The following LRRC4C variants were observed in gnomAD, a reference collection of about 807,000 sequenced individuals.
LRRC4C encodes leucine rich repeat containing 4C.
In LRRC4C, 5 loss-of-function variants were observed where a neutral mutation model predicts 33.6. The ratio of observed to expected loss-of-function variants is 0.15; its 90% CI spans 0.08 to 0.31. The LOEUF (loss-of-function observed/expected upper bound fraction) is 0.31, where lower values mean the gene tolerates loss of function less well. LRRC4C is among the 10% of genes least tolerant of loss of function. LRRC4C has a pLI of 1.00. For missense variants in LRRC4C, 560 were observed against 796.7 expected, an observed-to-expected ratio of 0.70 and a Z score of 3.58; for synonymous variants, 329 against 302.0, an observed-to-expected ratio of 1.09 and a Z score of -0.93.
intron 3 of LRRC4C, among the ~76,000 whole-genome samples, chr11:40,466,923 T>A (rs2138244211): frequency 6.6e-6 from 1 of 152,268 alleles, no homozygotes; most frequent in Admixed American, 6.5e-5. Flanking sequence ...CATGTTTAAT[T>A]TATGAAATGA....
intron 2 of LRRC4C, among the ~76,000 whole-genome samples, chr11:40,897,411 C>T (rs1955992918): frequency 1.3e-5 from 2 of 152,112 alleles, no homozygotes; most frequent in Admixed American, 1.3e-4. Context: ...GAAAGCAAGT[C>T]ATGAAGTCTA....
At chr11:40,915,931 C>A (rs1456327173) in intron 2 of LRRC4C, among the ~76,000 whole-genome samples, 7 of 152,094 alleles carry the variant, frequency 4.6e-5, no homozygotes, top group Admixed American at 6.6e-5. Flanking sequence ...ATGCAGCCAA[C>A]AGACACATGA....
chr11:40,366,511 A>G (rs1288857188), intron 3 of LRRC4C, among the ~76,000 whole-genome samples: 1 of 152,074 alleles, frequency 6.6e-6, no homozygotes, highest in Non-Finnish European at 1.5e-5. Flanking sequence ...AAAACTTAAA[A>G]GAATAATATT....
intron 1 of LRRC4C, among the ~76,000 whole-genome samples, chr11:41,438,330 T>A (rs1955507628): frequency 6.6e-6 from 1 of 152,110 alleles, no homozygotes. Context: ...CTTAAAAGTC[T>A]TACATTCTAA....
chr11:40,192,590 C>A (rs1459601300), intron 5 of LRRC4C, among the ~76,000 whole-genome samples: 1 of 152,158 alleles, frequency 6.6e-6, no homozygotes, highest in Non-Finnish European at 1.5e-5. Context: ...ACCTGGAACA[C>A]CAGCGAGACA....
chr11:40,943,028 T>G (rs1396581953), intron 1 of LRRC4C, among the ~76,000 whole-genome samples: 1 of 152,170 alleles, frequency 6.6e-6, no homozygotes, highest in Non-Finnish European at 1.5e-5. Context: ...AACCTACTTT[T>G]CTATCTTGGC....
At chr11:40,143,651 T>C (rs543691246) in intron 5 of LRRC4C, among the ~76,000 whole-genome samples, 21 of 152,332 alleles carry the variant, frequency 1.4e-4, no homozygotes, top group African/African-American at 4.6e-4. Flanking sequence ...TTCAGGGCTC[T>C]GCTAAACCTG....
chr11:41,246,893 T>C (rs2136605453), intron 1 of LRRC4C, among the ~76,000 whole-genome samples: 1 of 152,294 alleles, frequency 6.6e-6, no homozygotes, highest in South Asian at 2.1e-4. Flanking sequence ...GGTAGAGAAA[T>C]TCTGAATTAT....
intron 1 of LRRC4C, among the ~76,000 whole-genome samples, chr11:41,221,288 G>GAA (rs1245339365): frequency 1.6e-4 from 19 of 119,216 alleles, no homozygotes; most frequent in African/African-American, 4.7e-4. Context: ...ACCATCATAT[G>GAA]AAAAAAAAAA....
At chr11:41,162,249 T>A (rs1944505544) in intron 1 of LRRC4C, among the ~76,000 whole-genome samples, 1 of 152,190 alleles carries the variant, frequency 6.6e-6, no homozygotes, top group Non-Finnish European at 1.5e-5. Context: ...ACCCTCGGAC[T>A]AAGCTATGTC....
intron 1 of LRRC4C, among the ~76,000 whole-genome samples, chr11:41,102,845 C>A (rs193230197): frequency 6.6e-6 from 1 of 152,030 alleles, no homozygotes; most frequent in East Asian, 1.9e-4. Context: ...TGCTAATGTA[C>A]ATAAATCTCT....
At chr11:40,214,955 C>T (rs1272109953) in intron 5 of LRRC4C, among the ~76,000 whole-genome samples, 1 of 152,062 alleles carries the variant, frequency 6.6e-6, no homozygotes, top group Non-Finnish European at 1.5e-5. Flanking sequence ...GTTGCTGGTA[C>T]TCCCTGGAGT....
chr11:41,005,867 T>C (rs1220502520), intron 1 of LRRC4C, among the ~76,000 whole-genome samples: 3 of 152,150 alleles, frequency 2.0e-5, no homozygotes, highest in Non-Finnish European at 2.9e-5. Flanking sequence ...CACAGATACA[T>C]TTCCTAGTGT....
chr11:40,234,338 G>C (rs1364127475), intron 5 of LRRC4C, among the ~76,000 whole-genome samples: 1 of 152,096 alleles, frequency 6.6e-6, no homozygotes, highest in Non-Finnish European at 1.5e-5. Flanking sequence ...GACTTAAGAG[G>C]TTAAGTTCCC....
intron 2 of LRRC4C, among the ~76,000 whole-genome samples, chr11:40,890,828 T>C (rs1955670577): frequency 6.6e-6 from 1 of 151,928 alleles, no homozygotes; most frequent in East Asian, 1.9e-4. Flanking sequence ...TCTCAATTGT[T>C]AAAATAAGAG....
At chr11:41,246,135 G>A (rs772538468) in intron 1 of LRRC4C, among the ~76,000 whole-genome samples, 6 of 152,122 alleles carry the variant, frequency 3.9e-5, no homozygotes, top group African/African-American at 9.7e-5. Context: ...TTTATCTGCC[G>A]TCCATGGCAC....
intron 2 of LRRC4C, among the ~76,000 whole-genome samples, chr11:40,885,651 C>G (rs951973460): frequency 6.6e-6 from 1 of 151,928 alleles, no homozygotes; most frequent in Non-Finnish European, 1.5e-5. Flanking sequence ...ACACAGGTAT[C>G]GTACTGAAAA....
At chr11:40,811,115 C>A (rs1221443452) in intron 2 of LRRC4C, among the ~76,000 whole-genome samples, 2 of 152,118 alleles carry the variant, frequency 1.3e-5, no homozygotes, top group South Asian at 2.1e-4. Flanking sequence ...TAATTGTGTT[C>A]TTCCTTCATC....
chr11:41,140,701 C>T (rs999381073), intron 1 of LRRC4C, among the ~76,000 whole-genome samples: 2 of 152,238 alleles, frequency 1.3e-5, no homozygotes, highest in African/African-American at 4.8e-5. Context: ...AAAAGAAAAG[C>T]TCCTTTCTGC....
Sources: allele counts gnomAD v4.1 joint callset (sites outside exome capture counted in the v4.1 genomes callset), GRCh38; gene constraint gnomAD v4.1.1; transcripts MANE v1.5; gene names NCBI Gene and HGNC (gene_info 2026-07-23, HGNC 2026-07-21).